The following MUCL1 variants were observed in gnomAD, a reference collection of about 807,000 sequenced individuals.
The protein encoded by MUCL1 is mucin like 1, also known as mucin-like protein 1.
Under a neutral mutation model 9.2 loss-of-function variants are expected in MUCL1, and 11 were observed. That is an observed-to-expected ratio of 1.19 (90% CI 0.75 to 1.97). MUCL1 has a LOEUF of 1.97. Among genes scored for constraint, MUCL1 ranks in the 30% most tolerant of loss-of-function variants. MUCL1 has a pLI of 0.00. For synonymous variants in MUCL1, 48 were observed against 40.5 expected (o/e 1.19, Z -0.71); for missense variants, 144 against 110.9 (o/e 1.30, Z -1.34).
chr12:54,854,052 TC>T (rs1278182291), upstream of MUCL1, among the ~76,000 whole-genome samples: 2 of 139,752 alleles, frequency 1.4e-5, no homozygotes, highest in African/African-American at 2.5e-5. Flanking sequence ...AGGCCATGAC[TC>T]GAAGAATGCA....
At chr12:54,853,903 C>G (rs959429031), upstream of MUCL1, among the ~76,000 whole-genome samples, 1 of 152,144 alleles carries the variant, frequency 6.6e-6, no homozygotes, top group Non-Finnish European at 1.5e-5. Context: ...TTAGTTTATT[C>G]TGTATACTTA....
intron 1 of MUCL1, among the ~76,000 whole-genome samples, chr12:54,846,036 C>A (rs546723043): frequency 1.3e-5 from 2 of 152,222 alleles, no homozygotes; most frequent in South Asian, 4.1e-4. Context: ...AAGACATTGA[C>A]AAATTCACCA....
intron 1 of MUCL1, among the ~76,000 whole-genome samples, chr12:54,842,632 G>C (rs1235493443): frequency 6.7e-6 from 1 of 148,778 alleles, no homozygotes; most frequent in Non-Finnish European, 1.5e-5. Context: ...TATTCTTCCT[G>C]TCTAACTGAA....
At chr12:54,831,792 G>A (rs1959185793) in intron 1 of MUCL1, among the ~76,000 whole-genome samples, 1 of 152,038 alleles carries the variant, frequency 6.6e-6, no homozygotes, top group Non-Finnish European at 1.5e-5. Flanking sequence ...CTATGAGGAA[G>A]CATATGCCTC....
At chr12:54,856,957 T>C in intron 3 of MUCL1, 65 bp downstream of exon 3, 1 of 1,606,634 alleles carries the variant, frequency 6.2e-7, no homozygotes, top group Admixed American at 1.7e-5. Flanking sequence ...GGTTCTCTAT[T>C]CTCACAGAGA....
intron 1 of MUCL1, among the ~76,000 whole-genome samples, chr12:54,844,188 T>C (rs1959229850): frequency 6.6e-6 from 1 of 152,154 alleles, no homozygotes; most frequent in Non-Finnish European, 1.5e-5. Flanking sequence ...AAGATGAATG[T>C]TTTTTCCTTT....
At chr12:54,853,130 G>T (rs1868267729), upstream of MUCL1, among the ~76,000 whole-genome samples, 1 of 152,152 alleles carries the variant, frequency 6.6e-6, no homozygotes, top group Non-Finnish European at 1.5e-5. Context: ...AGAAATAGAT[G>T]TTCAGTGCTC....
chr12:54,849,439 T>C (rs909380205), intron 1 of MUCL1, among the ~76,000 whole-genome samples: 5 of 152,104 alleles, frequency 3.3e-5, no homozygotes, highest in Admixed American at 2.0e-4. Flanking sequence ...TTATGTATAC[T>C]TCTATTTTAA....
chr12:54,832,769 T>C (rs1029290058), intron 1 of MUCL1, among the ~76,000 whole-genome samples: 1 of 152,130 alleles, frequency 6.6e-6, no homozygotes, highest in Non-Finnish European at 1.5e-5. Flanking sequence ...TTATTTGATA[T>C]GTTAAGCTGA....
chr12:54,840,927 C>T (rs1215630645), intron 1 of MUCL1, among the ~76,000 whole-genome samples: 2 of 152,174 alleles, frequency 1.3e-5, no homozygotes, highest in Admixed American at 6.5e-5. Flanking sequence ...CTCAAAACTG[C>T]CCCATGCCAT....
upstream of MUCL1, among the ~76,000 whole-genome samples, chr12:54,853,639 A>G (rs189989962): frequency 4.4e-4 from 67 of 152,220 alleles, no homozygotes; most frequent in African/African-American, 1.6e-3. Context: ...TTCCATCTCT[A>G]AACTCTCCTT....
At chr12:54,833,834 G>C (rs552622836) in intron 1 of MUCL1, among the ~76,000 whole-genome samples, 2 of 149,572 alleles carry the variant, frequency 1.3e-5, no homozygotes, top group Admixed American at 6.7e-5. Flanking sequence ...GGTTGGGGGA[G>C]GGGGGAGGGA....
intron 1 of MUCL1, among the ~76,000 whole-genome samples, chr12:54,831,837 A>T (rs1305500149): frequency 6.6e-6 from 1 of 152,086 alleles, no homozygotes; most frequent in Non-Finnish European, 1.5e-5. Context: ...TCACTTTTGC[A>T]AGCTTGCTAC....
At chr12:54,835,993 T>C (rs545161865), upstream of MUCL1, among the ~76,000 whole-genome samples, 2 of 152,336 alleles carry the variant, frequency 1.3e-5, no homozygotes, top group South Asian at 2.1e-4. Context: ...TATTATTTTG[T>C]TGAGGACTTT....
chr12:54,857,336 A>G (rs67350009), intron 3 of MUCL1, among the ~76,000 whole-genome samples: 10,173 of 151,820 alleles, frequency 0.067, 375 homozygotes, highest in Middle Eastern at 0.14. Context: ...GAATTTTCCC[A>G]AAATAGAAAA....
chr12:54,831,473 G>A (rs1959185263), intron 1 of MUCL1, among the ~76,000 whole-genome samples: 1 of 152,016 alleles, frequency 6.6e-6, no homozygotes, highest in African/African-American at 2.4e-5. Flanking sequence ...TTCTACTTGG[G>A]TTTAATAGTC....
In MUCL1 at chr12:54,858,241, G is replaced by C. The variant is rs1868315713; in HGVS notation, c.272G>C (p.Ter91SerextTer42). The C allele has an allele frequency of 4.3e-6, 7 of 1,613,454 alleles. No individual in the cohort carries two copies. The highest frequency in any genetic ancestry group is 5.9e-6 in the Non-Finnish European group (7 of 1,179,578). ...GDLPNGRVCP[*>S] ...CTCCCGAATGGTAGAGTGTGTCCCT[G>C]AGATGGAATCAGCTTGAGTCTTCTG... The change falls in exon 4 of 4, where the codon TGA becomes TCA. Residue 91 changes from the stop codon to serine (S), a stop_lost. Transcript: ENST00000308796.
intron 2 of MUCL1, chr12:54,855,578 G>A: frequency 5.1e-6 from 1 of 196,126 alleles, no homozygotes; most frequent in Non-Finnish European, 1.1e-5. Flanking sequence ...CACAAGTGAG[G>A]GTGGTGTGTG....
intron 1 of MUCL1, among the ~76,000 whole-genome samples, chr12:54,845,999 A>C (rs1385765813): frequency 6.6e-6 from 1 of 152,154 alleles, no homozygotes; most frequent in Admixed American, 6.5e-5. Flanking sequence ...ATTCTGCAAA[A>C]AAAACTTGTA....
Sources: gnomAD v4.1 joint callset for allele counts (sites outside exome capture counted in the v4.1 genomes callset) on GRCh38, gnomAD v4.1.1 for gene constraint, MANE v1.5 for transcripts, NCBI Gene and HGNC (gene_info 2026-07-23, HGNC 2026-07-21) for gene names.